The following PARD3 variants were observed in gnomAD, a reference collection of about 807,000 sequenced individuals.
PARD3 encodes par-3 family cell polarity regulator.
In PARD3, 75 loss-of-function variants were observed where a neutral mutation model predicts 155.4. That is an observed-to-expected ratio of 0.48 (90% CI 0.40 to 0.58). PARD3 has a LOEUF of 0.58. PARD3 is among the 20% of genes least tolerant of loss of function. The pLI is 0.00. For synonymous variants in PARD3, 576 were observed against 610.5 expected, an observed-to-expected ratio of 0.94 and a Z score of 0.83; for missense variants, 1,642 against 1,721.7, an observed-to-expected ratio of 0.95 and a Z score of 0.82.
chr10:34,228,145 AAATG>A (rs1175433350), intron 22 of PARD3, among the ~76,000 whole-genome samples: 2 of 151,806 alleles, frequency 1.3e-5, no homozygotes, highest in Admixed American at 6.6e-5. Context: ...TATCCTAAGG[AAATG>A]AATGTGGGAA....
intron 22 of PARD3, among the ~76,000 whole-genome samples, chr10:34,234,923 T>C (rs772543664): frequency 3.3e-5 from 5 of 152,214 alleles, no homozygotes; most frequent in Admixed American, 6.5e-5. Flanking sequence ...ATTGATAACA[T>C]ACATGCACTT....
intron 4 of PARD3, among the ~76,000 whole-genome samples, chr10:34,463,879 T>C (rs903272565): frequency 6.6e-6 from 1 of 152,162 alleles, no homozygotes; most frequent in African/African-American, 2.4e-5. Flanking sequence ...TATAGCTACA[T>C]GCTATATAGG....
intron 1 of PARD3, among the ~76,000 whole-genome samples, chr10:34,811,292 G>T (rs1171101346): frequency 6.6e-6 from 1 of 152,072 alleles, no homozygotes; most frequent in Non-Finnish European, 1.5e-5. Context: ...GTTTGATCCT[G>T]ACCCCCTGGG....
intron 2 of PARD3, among the ~76,000 whole-genome samples, chr10:34,636,120 G>C (rs1490613805): frequency 6.6e-6 from 1 of 152,144 alleles, no homozygotes; most frequent in South Asian, 2.1e-4. Context: ...GAAGGAAGAA[G>C]AAGAAGCCAA....
At chr10:34,376,420 TA>T (rs1035802135) in intron 10 of PARD3, among the ~76,000 whole-genome samples, 3 of 152,156 alleles carry the variant, frequency 2.0e-5, no homozygotes, top group Non-Finnish European at 4.4e-5. Flanking sequence ...AAAGGACAGA[TA>T]TTTTTTTGGA....
intron 10 of PARD3, 62 bp downstream of exon 10, chr10:34,377,905 T>C (rs1313938535): frequency 3.0e-6 from 4 of 1,315,548 alleles, no homozygotes; most frequent in Non-Finnish European, 4.1e-6. Flanking sequence ...TTTTTAAAAG[T>C]TGGCTCCTGG....
chr10:34,485,454 T>C (rs2079391025), intron 3 of PARD3, among the ~76,000 whole-genome samples: 1 of 152,202 alleles, frequency 6.6e-6, no homozygotes, highest in Non-Finnish European at 1.5e-5. Context: ...TTATACATTT[T>C]AGGGGACAGA....
chr10:34,678,799 T>TC (rs1301514214), intron 2 of PARD3, among the ~76,000 whole-genome samples: 9 of 150,074 alleles, frequency 6.0e-5, no homozygotes, highest in Non-Finnish European at 1.5e-5. Flanking sequence ...GACTTTCAAT[T>TC]CCCCCCGCCC....
chr10:34,413,136 G>GAT (rs139771703), intron 5 of PARD3, among the ~76,000 whole-genome samples: 124 of 100,760 alleles, frequency 1.2e-3, no homozygotes, highest in Admixed American at 3.0e-3. Flanking sequence ...CAGTACTTCA[G>GAT]ATATATATAC....
intron 4 of PARD3, among the ~76,000 whole-genome samples, chr10:34,469,856 T>C (rs2078239562): frequency 6.6e-6 from 1 of 152,152 alleles, no homozygotes; most frequent in Admixed American, 6.6e-5. Flanking sequence ...AAAATGGATA[T>C]ATTAATAAGT....
intron 3 of PARD3, among the ~76,000 whole-genome samples, chr10:34,505,478 AGGG>A (rs1835804795): frequency 6.6e-6 from 1 of 152,182 alleles, no homozygotes; most frequent in Admixed American, 6.5e-5. Flanking sequence ...CTTTGTGCAC[AGGG>A]GGTCCAGTAG....
intron 9 of PARD3, among the ~76,000 whole-genome samples, chr10:34,381,912 C>CAAA (rs202053812): frequency 3.9e-4 from 28 of 71,874 alleles, no homozygotes; most frequent in East Asian, 7.5e-4. Flanking sequence ...GGCCCTGTCT[C>CAAA]AAAAAAAAAA....
chr10:34,707,370 T>A (rs530371913), intron 1 of PARD3, among the ~76,000 whole-genome samples: 11 of 152,110 alleles, frequency 7.2e-5, no homozygotes, highest in Non-Finnish European at 1.6e-4. Context: ...GTTCTCCAAG[T>A]GGGAGTCCAG....
chr10:34,477,583 TAATTATG>T (rs2078800320), intron 3 of PARD3, among the ~76,000 whole-genome samples: 1 of 152,230 alleles, frequency 6.6e-6, no homozygotes, highest in South Asian at 2.1e-4. Flanking sequence ...AATGGTGATC[TAATTATG>T]AATTAGAGCA....
intron 2 of PARD3, among the ~76,000 whole-genome samples, chr10:34,574,715 C>T (rs2086752258): frequency 1.3e-5 from 2 of 152,128 alleles, no homozygotes. Flanking sequence ...AGACAGAGAA[C>T]CACGGAACCA....
chr10:34,694,804 A>AT (rs2094135331), intron 2 of PARD3, among the ~76,000 whole-genome samples: 2 of 152,106 alleles, frequency 1.3e-5, no homozygotes, highest in Non-Finnish European at 2.9e-5. Context: ...GGTATTTGAT[A>AT]TTTTTTGTCT....
At chr10:34,411,464 G>A (rs1000710852) in intron 5 of PARD3, among the ~76,000 whole-genome samples, 1 of 150,258 alleles carries the variant, frequency 6.7e-6, no homozygotes, top group Non-Finnish European at 1.5e-5. Flanking sequence ...ATCATTTGGA[G>A]ACCTGAATAG....
intron 3 of PARD3, among the ~76,000 whole-genome samples, chr10:34,483,498 AAGAG>A (rs1554873697): frequency 5.0e-5 from 7 of 140,802 alleles, no homozygotes; most frequent in Non-Finnish European, 1.0e-4. Flanking sequence ...AAAAAAAAAA[AAGAG>A]AGAGAAAAAA....
intron 12 of PARD3, among the ~76,000 whole-genome samples, chr10:34,362,439 T>C (rs1453521285): frequency 2.0e-5 from 3 of 152,366 alleles, no homozygotes; most frequent in Non-Finnish European, 2.9e-5. Context: ...CTTTGCTCTA[T>C]AAACATGAAT....
Sources: allele counts gnomAD v4.1 joint callset (sites outside exome capture counted in the v4.1 genomes callset), GRCh38; gene constraint gnomAD v4.1.1; transcripts MANE v1.5; gene names NCBI Gene and HGNC (gene_info 2026-07-23, HGNC 2026-07-21).